PAX5: variants seen among roughly 807,000 people sequenced by gnomAD.
PAX5 encodes the protein paired box 5.
Under a neutral mutation model 43.7 loss-of-function variants are expected in PAX5, and 9 were observed. The ratio of observed to expected loss-of-function variants is 0.21; its 90% confidence interval spans 0.12 to 0.36. PAX5 has a LOEUF of 0.36. Ranked by LOEUF, PAX5 falls within the 10% of genes least tolerant of loss-of-function variation. PAX5 has a pLI of 1.00. For missense variants in PAX5, 383 were observed against 532.7 expected (o/e 0.72, Z 2.77); for synonymous variants, 228 against 214.3 (o/e 1.06, Z -0.56).
chr9:36,953,467 C>T (rs1833180610), intron 6 of PAX5, among the ~76,000 whole-genome samples: 1 of 152,096 alleles, frequency 6.6e-6, no homozygotes. Context: ...ATATGCTATG[C>T]CTCTTAAAAT....
At chr9:36,944,810 G>A (rs951789001) in intron 6 of PAX5, among the ~76,000 whole-genome samples, 4 of 152,156 alleles carry the variant, frequency 2.6e-5, no homozygotes, top group East Asian at 1.9e-4. Flanking sequence ...GGCTTTATCC[G>A]GTAATGATTT....
chr9:37,012,264 G>A (rs776474853), intron 3 of PAX5, among the ~76,000 whole-genome samples: 4 of 152,126 alleles, frequency 2.6e-5, no homozygotes, highest in Non-Finnish European at 4.4e-5. Flanking sequence ...TCTGTCACTC[G>A]CAGAGTCCTA....
At chr9:37,025,634 G>A (rs1840267635) in intron 1 of PAX5, among the ~76,000 whole-genome samples, 1 of 152,308 alleles carries the variant, frequency 6.6e-6, no homozygotes, top group Admixed American at 6.5e-5. Context: ...CTAATCCGGC[G>A]TTAACTCACC....
intron 6 of PAX5, among the ~76,000 whole-genome samples, chr9:36,931,106 C>A (rs1423006178): frequency 6.6e-6 from 1 of 152,168 alleles, no homozygotes; most frequent in African/African-American, 2.4e-5. Context: ...AGGCTCACCG[C>A]CAGGCCACAG....
chr9:36,904,514 G>C (rs952843471), intron 7 of PAX5, among the ~76,000 whole-genome samples: 1 of 152,000 alleles, frequency 6.6e-6, no homozygotes, highest in Non-Finnish European at 1.5e-5. Context: ...ATGATCTCAG[G>C]GTGGGAGTAG....
At chr9:36,958,300 A>G (rs1205501231) in intron 6 of PAX5, among the ~76,000 whole-genome samples, 1 of 1,800 alleles carries the variant, frequency 5.6e-4, no homozygotes, top group African/African-American at 9.0e-4. Context: ...AAATGTCAGG[A>G]AAAAAAAATG....
At position 36,866,156 on chromosome 9, in the gene PAX5, A is replaced by C. The variant is rs565154316; in HGVS notation, c.1012+15848T>G. Among the ~76,000 whole-genome samples the C allele has an allele frequency of 8.5e-5, 13 of 152,350 alleles. No homozygotes were observed. In the East Asian group the frequency reaches 2.3e-3, roughly 27 times the overall value. On this transcript the variant is annotated intron_variant, in intron 8 of 9. Coordinates refer to ENST00000358127, the MANE Select transcript of PAX5 (RefSeq NM_016734.3). ...TAGGAAGGTCTGCTCCTGGTGGCTG[A>C]AGAAGCGCGGGCGGGCCGGGCCTCA...
At chr9:36,918,321 T>A (rs1362739857) in intron 7 of PAX5, among the ~76,000 whole-genome samples, 1 of 152,196 alleles carries the variant, frequency 6.6e-6, no homozygotes, top group Non-Finnish European at 1.5e-5. Flanking sequence ...AACACATGAA[T>A]GATAAGCCTT....
At chr9:36,976,503 G>A (rs1588128521) in intron 5 of PAX5, among the ~76,000 whole-genome samples, 1 of 152,172 alleles carries the variant, frequency 6.6e-6, no homozygotes, top group African/African-American at 2.4e-5. Context: ...TATGAGCCAG[G>A]CCCCATGCTA....
rs192003697 is a variant in PAX5 at position 37,003,061 on chromosome 9, G to T, written c.476-285C>A. Among the ~76,000 whole-genome samples the T allele has an allele frequency of 3.6e-4, 54 of 151,698 alleles. No homozygotes were observed. The East Asian group carries it at 0.01, about 28-fold the overall frequency. On this transcript the variant is annotated intron_variant, in intron 4 of 9. Coordinates refer to ENST00000358127, the MANE Select transcript of PAX5 (RefSeq NM_016734.3). ...ACACGGGGACACGGGGACAGGAAGG[G>T]CTTTCGCTTAAATTCCAGCCTATCC...
chr9:36,856,628 C>G (rs1237970801), intron 8 of PAX5: 1 of 152,074 alleles, frequency 6.6e-6, no homozygotes, highest in Non-Finnish European at 1.5e-5. Flanking sequence ...AGCTCTGCCT[C>G]CCAGGTTCAC....
intron 7 of PAX5, among the ~76,000 whole-genome samples, chr9:36,909,950 C>T (rs1291812759): frequency 6.6e-6 from 1 of 151,224 alleles, no homozygotes; most frequent in African/African-American, 2.4e-5. Flanking sequence ...GCCTCCCAAG[C>T]AGCTGGGACT....
rs2131591295 is a variant in PAX5, at chr9:36,846,866, C to T, written c.1076G>A (p.Arg359Lys). 6.2e-7 allele frequency: 1 copy of T among 1,614,138 alleles called. No homozygotes were observed. The highest frequency in any genetic ancestry group is 8.5e-7 in the Non-Finnish European group (1 of 1,179,964). The change falls in exon 9 of 10, where the codon AGG becomes AAG. Residue 359 changes from arginine (R) to lysine (K), a missense_variant. Physicochemically the swap from Arg to Lys is conservative, Grantham distance 26 (BLOSUM62 2). This residue lies in a region of PAX5 where 291 missense variants were observed against 342.5 expected (regional missense o/e 0.85). Coordinates refer to ENST00000358127, the MANE Select transcript of PAX5 (RefSeq NM_016734.3). ...ACCAAGCAGCCCCGGGTTGGGGAAC[C>T]TCCAGGAGTCGTTGTACGAGGAATA... The part of the protein sequence containing the change: ...PQYSSYNDSW[R>K]FPNPGLLGSP...
intron 8 of PAX5, among the ~76,000 whole-genome samples, chr9:36,871,464 C>T (rs1825488313): frequency 6.6e-6 from 1 of 152,196 alleles, no homozygotes; most frequent in Non-Finnish European, 1.5e-5. Context: ...CCTTTAAGCC[C>T]TCCAGGCCCA....
intron 7 of PAX5, among the ~76,000 whole-genome samples, chr9:36,884,197 C>T (rs1264376622): frequency 6.6e-6 from 1 of 152,052 alleles, no homozygotes; most frequent in Non-Finnish European, 1.5e-5. Context: ...AAAGGCAGCA[C>T]ACAAAAAATT....
intron 6 of PAX5, among the ~76,000 whole-genome samples, chr9:36,930,165 TCATC>T (rs1475765043): frequency 6.6e-6 from 1 of 151,080 alleles, no homozygotes; most frequent in Non-Finnish European, 1.5e-5. Context: ...ACAGTCAGGG[TCATC>T]TTTCCCAACA....
intron 8 of PAX5, among the ~76,000 whole-genome samples, chr9:36,870,115 AATGG>A (rs74182912): frequency 0.039 from 418 of 10,728 alleles, 77 homozygotes; most frequent in African/African-American, 0.099. Flanking sequence ...TGGATGGATA[AATGG>A]ATGGATGGAT....
chr9:36,932,922 G>A (rs1588012449), intron 6 of PAX5, among the ~76,000 whole-genome samples: 1 of 151,956 alleles, frequency 6.6e-6, no homozygotes, highest in South Asian at 2.1e-4. Flanking sequence ...TTGGGAGGCT[G>A]AGGCAGGTGG....
intron 7 of PAX5, among the ~76,000 whole-genome samples, chr9:36,896,907 T>G (rs1827916361): frequency 1.3e-5 from 2 of 152,102 alleles, no homozygotes; most frequent in South Asian, 4.1e-4. Context: ...ATGGGGAAAT[T>G]GAGGCTCCAA....
Sources: gnomAD v4.1 joint callset for allele counts (sites outside exome capture counted in the v4.1 genomes callset) on GRCh38, gnomAD v4.1.1 for gene constraint, gnomAD v4.1.1 regional missense constraint, MANE v1.5 for transcripts, NCBI Gene and HGNC (gene_info 2026-07-23, HGNC 2026-07-21) for gene names.